PPP2R2C: variants seen among roughly 807,000 people sequenced by gnomAD.
The protein encoded by PPP2R2C is protein phosphatase 2 regulatory subunit Bgamma.
A neutral mutation model predicts 45.3 loss-of-function variants in PPP2R2C; 10 were observed. The ratio of observed to expected loss-of-function variants is 0.22; its 90% CI spans 0.14 to 0.37. The LOEUF (loss-of-function observed/expected upper bound fraction) is 0.37, where lower values mean the gene tolerates loss of function less well. PPP2R2C is among the 10% of genes least tolerant of loss of function. The pLI is 1.00. For missense variants in PPP2R2C, 308 were observed against 619.7 expected (o/e 0.50, Z 5.34); for synonymous variants, 257 against 245.4 (o/e 1.05, Z -0.44).
intron 2 of PPP2R2C, among the ~76,000 whole-genome samples, chr4:6,508,726 CCTT>C (rs889425073): frequency 2.0e-5 from 3 of 152,122 alleles, no homozygotes; most frequent in Non-Finnish European, 4.4e-5. Context: ...TGGAGTATGA[CCTT>C]CTAGGAAAAC....
intron 8 of PPP2R2C, 140 bp from the exon 9 acceptor site, chr4:6,323,733 C>G: frequency 1.2e-6 from 1 of 816,358 alleles, no homozygotes; most frequent in Non-Finnish European, 1.8e-6. Flanking sequence ...CCTAGGAGTT[C>G]AAGACCAGCC....
chr4:6,541,608 G>A (rs1036062720), intron 1 of PPP2R2C, among the ~76,000 whole-genome samples: 3 of 152,088 alleles, frequency 2.0e-5, no homozygotes, highest in South Asian at 2.1e-4. Flanking sequence ...GTGCAGTGGC[G>A]CGATCTCAGC....
chr4:6,345,665 C>T lies in PPP2R2C; in HGVS notation c.790+2181G>A, dbSNP rs1040295328. 2.0e-5 allele frequency among the ~76,000 whole-genome samples: 3 copies of T among 152,152 alleles called. No individual in the cohort carries two copies. The highest frequency in any genetic ancestry group is 4.8e-5 in the African/African-American group (2 of 41,446). On this transcript the variant is annotated intron_variant, in intron 6 of 8. Transcript: ENST00000382599. This position sits in a 1 kb window ranked among gnomAD's most constrained non-coding sequence, Gnocchi z 5.3. ...GCAGGGAAAACGGTGCTCCCCAGAGCCTCCCGAAGGTACCAGCCCGTGGCA... is the reference window on the plus strand; with the variant it reads ...GCAGGGAAAACGGTGCTCCCCAGAGTCTCCCGAAGGTACCAGCCCGTGGCA...
intron 1 of PPP2R2C, among the ~76,000 whole-genome samples, chr4:6,414,201 GC>G (rs1310650175): frequency 6.6e-6 from 1 of 151,314 alleles, no homozygotes; most frequent in Non-Finnish European, 1.5e-5. Context: ...GCTAGAACTG[GC>G]TGGAGCTAGA....
chr4:6,366,297 CA>C (rs1304668875), intron 5 of PPP2R2C, among the ~76,000 whole-genome samples: 1 of 152,218 alleles, frequency 6.6e-6, no homozygotes. Flanking sequence ...CGCCAGGGCC[CA>C]AAGCCCGGGC....
chr4:6,507,520 G>C (rs757648615), intron 2 of PPP2R2C, among the ~76,000 whole-genome samples: 3 of 152,242 alleles, frequency 2.0e-5, no homozygotes, highest in Non-Finnish European at 4.4e-5. Flanking sequence ...TATGTGTGGA[G>C]TGAGAGGCCG....
At chr4:6,381,955 G>C in intron 1 of PPP2R2C, 1 of 1,476,448 alleles carries the variant, frequency 6.8e-7, no homozygotes, top group South Asian at 1.4e-5. Flanking sequence ...ATTCTGGGTG[G>C]CCAGCCCTGG....
chr4:6,505,162 GA>G lies in PPP2R2C; in HGVS notation c.49+30108del, dbSNP rs57523456. 3.4e-3 allele frequency among the ~76,000 whole-genome samples: 503 copies of G among 147,460 alleles called. 3 individuals carry two copies. Among genetic ancestry groups the G allele is most frequent in the African/African-American group, 0.012 (469 of 39,838 alleles). On this transcript the variant is annotated intron_variant, in intron 2 of 9. Coordinates refer to the PPP2R2C transcript ENST00000506140. ...TGGGATGACATCTTTAAAGTGCTTG[GA>G]AAAAAAAAAGCCTGTCAATCCAGAA...
chr4:6,380,684 G>A (rs1433906162), intron 2 of PPP2R2C, among the ~76,000 whole-genome samples: 2 of 152,042 alleles, frequency 1.3e-5, no homozygotes, highest in Non-Finnish European at 2.9e-5. Flanking sequence ...CTGAGGGCAG[G>A]GGGCTCAGAA....
intron 1 of PPP2R2C, among the ~76,000 whole-genome samples, chr4:6,386,138 C>T (rs1051864217): frequency 6.6e-6 from 1 of 152,186 alleles, no homozygotes; most frequent in African/African-American, 2.4e-5. Flanking sequence ...AACAAAATGA[C>T]ACTCTGAAGG....
At chr4:6,402,375 A>T (rs1192128412) in intron 1 of PPP2R2C, among the ~76,000 whole-genome samples, 1 of 152,176 alleles carries the variant, frequency 6.6e-6, no homozygotes, top group African/African-American at 2.4e-5. Context: ...ATGAGCTGCC[A>T]AGGGTGTGCT....
chr4:6,441,804 G>T (rs1720168969), intron 1 of PPP2R2C, among the ~76,000 whole-genome samples: 1 of 152,230 alleles, frequency 6.6e-6, no homozygotes, highest in Admixed American at 6.5e-5. Context: ...ACTCTTCACT[G>T]TGGGTCTCTG....
At chr4:6,356,263 C>G (rs796729267) in intron 5 of PPP2R2C, among the ~76,000 whole-genome samples, 46 of 152,328 alleles carry the variant, frequency 3.0e-4, no homozygotes, top group African/African-American at 9.6e-4. Flanking sequence ...GCAGCTAACA[C>G]GTGCGGCCGG....
At chr4:6,417,516 G>C (rs778816500) in intron 1 of PPP2R2C, among the ~76,000 whole-genome samples, 3 of 152,222 alleles carry the variant, frequency 2.0e-5, no homozygotes, top group Non-Finnish European at 4.4e-5. Flanking sequence ...ACAAGCCTCA[G>C]GCTCCCAGGA....
At chr4:6,468,533 T>C (rs1721699925) in intron 1 of PPP2R2C, among the ~76,000 whole-genome samples, 1 of 152,110 alleles carries the variant, frequency 6.6e-6, no homozygotes, top group Non-Finnish European at 1.5e-5. Flanking sequence ...TGGCCTCAGC[T>C]GAAAAGTGTG....
chr4:6,335,840 A>G (rs1410656848), intron 6 of PPP2R2C, among the ~76,000 whole-genome samples: 1 of 152,104 alleles, frequency 6.6e-6, no homozygotes, highest in Non-Finnish European at 1.5e-5. Flanking sequence ...AGCAGGCAGC[A>G]GGAGGAAGGT....
At chr4:6,547,546 C>A (rs568242343) in intron 1 of PPP2R2C, among the ~76,000 whole-genome samples, 4 of 152,048 alleles carry the variant, frequency 2.6e-5, no homozygotes, top group Admixed American at 1.3e-4. Flanking sequence ...GAAAAACAGG[C>A]CTGAGGCTCA....
chr4:6,365,565 G>T (rs1714226931), intron 5 of PPP2R2C, among the ~76,000 whole-genome samples: 1 of 152,238 alleles, frequency 6.6e-6, no homozygotes. Flanking sequence ...AGAGGCAGGG[G>T]TAGAGCCTGG....
rs73073198 is a variant in PPP2R2C at position 6,332,193 on chromosome 4, G to A, written c.960+1369C>T. Among the ~76,000 whole-genome samples the A allele has an allele frequency of 0.035, 5,354 of 152,274 alleles. 303 individuals carry two copies. The highest frequency in any genetic ancestry group is 0.12 in the African/African-American group (4,932 of 41,530). On this transcript the variant is annotated intron_variant, in intron 7 of 8. Transcript: ENST00000382599. The surrounding 1 kb of genome is among the most constrained non-coding windows in gnomAD (Gnocchi z 4.9). ...GAGGTAAGTGACCGGACAAGGGGCC[G>A]GAGGGGGTTGGAAATGTTCATTTCC...
Sources: allele counts gnomAD v4.1 joint callset (sites outside exome capture counted in the v4.1 genomes callset), GRCh38; gene constraint gnomAD v4.1.1; non-coding constraint Gnocchi (gnomAD v3.1); transcripts MANE v1.5; gene names NCBI Gene and HGNC (gene_info 2026-07-23, HGNC 2026-07-21).